NDUFA8: variants seen among roughly 807,000 people sequenced by gnomAD.
NDUFA8 encodes the protein NADH dehydrogenase [ubiquinone] 1 alpha subcomplex subunit 8.
A neutral mutation model predicts 20.9 loss-of-function variants in NDUFA8; 16 were observed. The observed-to-expected ratio is 0.77, with a 90% confidence interval of 0.52 to 1.16. NDUFA8 has a LOEUF of 1.16. Among genes scored for constraint, NDUFA8 ranks in the 50% most tolerant of loss-of-function variants. NDUFA8 has a pLI of 0.00. For synonymous variants in NDUFA8, 70 were observed against 76.1 expected (o/e 0.92, Z 0.41); for missense variants, 202 against 216.4 (o/e 0.93, Z 0.42).
At chr9:122,158,355 T>A (rs1219295268) in intron 1 of NDUFA8, among the ~76,000 whole-genome samples, 1 of 152,098 alleles carries the variant, frequency 6.6e-6, no homozygotes, top group Non-Finnish European at 1.5e-5. Context: ...GGTCTGGCCT[T>A]GTAGAAGCTG....
chr9:122,149,580 T>G (rs1002476913), intron 2 of NDUFA8, among the ~76,000 whole-genome samples: 1 of 152,194 alleles, frequency 6.6e-6, no homozygotes, highest in African/African-American at 2.4e-5. Context: ...CCTTGGGAAT[T>G]TGTGAAATCC....
the NDUFA8 span, among the ~76,000 whole-genome samples, chr9:122,138,783 G>C: frequency 6.6e-6 from 1 of 151,636 alleles, no homozygotes; most frequent in Non-Finnish European, 1.5e-5. Context: ...TTCTCTTGCT[G>C]GGGGTGGGGA....
the NDUFA8 span, among the ~76,000 whole-genome samples, chr9:122,134,415 T>A: frequency 7.9e-5 from 12 of 152,178 alleles, no homozygotes; most frequent in Admixed American, 7.2e-4. Context: ...AAAACGGGAA[T>A]AACAGGAACG....
chr9:122,158,643 A>G (rs1829116683), intron 1 of NDUFA8, among the ~76,000 whole-genome samples: 1 of 151,610 alleles, frequency 6.6e-6, no homozygotes, highest in Non-Finnish European at 1.5e-5. Flanking sequence ...TTATAACGCT[A>G]CGACCAATTG....
chr9:122,147,336 T>A (rs543105936), intron 3 of NDUFA8, among the ~76,000 whole-genome samples: 6 of 152,290 alleles, frequency 3.9e-5, no homozygotes, highest in Admixed American at 3.3e-4. Flanking sequence ...AGCTCTGATG[T>A]TTCAACAGAT....
intron 2 of NDUFA8, among the ~76,000 whole-genome samples, chr9:122,150,563 G>T (rs1828979378): frequency 6.6e-6 from 1 of 151,942 alleles, no homozygotes; most frequent in Non-Finnish European, 1.5e-5. Flanking sequence ...AATCACTGCA[G>T]ATTTATCCAA....
chr9:122,133,582 A>G, the NDUFA8 span, among the ~76,000 whole-genome samples: 1 of 152,220 alleles, frequency 6.6e-6, no homozygotes, highest in Admixed American at 6.5e-5. Flanking sequence ...TGGAGAACGC[A>G]TCAGGGGATG....
chr9:122,141,704 T>C (rs1250681703), downstream of NDUFA8, among the ~76,000 whole-genome samples: 1 of 152,226 alleles, frequency 6.6e-6, no homozygotes, highest in Non-Finnish European at 1.5e-5. Flanking sequence ...CAGGAATCCT[T>C]CCCACTAACT....
At chr9:122,154,327 C>T (rs1004828949) in intron 1 of NDUFA8, among the ~76,000 whole-genome samples, 3 of 152,218 alleles carry the variant, frequency 2.0e-5, no homozygotes, top group Non-Finnish European at 2.9e-5. Flanking sequence ...ATCAATCACA[C>T]CTTCTCATCC....
chr9:122,156,975 T>C (rs1452150771), intron 1 of NDUFA8, among the ~76,000 whole-genome samples: 1 of 152,244 alleles, frequency 6.6e-6, no homozygotes, highest in Non-Finnish European at 1.5e-5. Flanking sequence ...ACAATTCTTA[T>C]TTTACTCTGC....
chr9:122,143,954 TA>T, downstream of NDUFA8: 2 of 837,760 alleles, frequency 2.4e-6, no homozygotes, highest in Non-Finnish European at 3.3e-6. Flanking sequence ...AGCGAGTGCC[TA>T]AAGCAAAGCA....
At chr9:122,147,167 C>T (rs1828916525) in intron 3 of NDUFA8, among the ~76,000 whole-genome samples, 1 of 152,108 alleles carries the variant, frequency 6.6e-6, no homozygotes, top group South Asian at 2.1e-4. Context: ...ACCCTCCTCT[C>T]CCAGAAATTC....
chr9:122,157,681 T>A (rs2118720588), intron 1 of NDUFA8, among the ~76,000 whole-genome samples: 1 of 135,774 alleles, frequency 7.4e-6, no homozygotes, highest in East Asian at 2.2e-4. Flanking sequence ...AGGGGGGTGG[T>A]TCGCCGGGGG....
rs1444629983 is a variant in NDUFA8 at position 122,144,212 on chromosome 9, A to G, written c.*29T>C. 6 of 1,612,988 alleles carry G rather than the reference A, an allele frequency of 3.7e-6. No homozygotes were observed. The highest frequency in any genetic ancestry group is 2.2e-5 in the South Asian group (2 of 91,014). ...TTTTCATCAGTCGTTGTCTGAGCAC[A>G]TGACCGAGTGTGGGCCACGGACCCA... is the stretch of plus-strand genomic sequence containing the variant. On this transcript the variant is annotated 3_prime_UTR_variant, in exon 4 of 4. Transcript: ENST00000373768.
At chr9:122,145,170 C>T (rs970322151) in intron 3 of NDUFA8, among the ~76,000 whole-genome samples, 7 of 152,216 alleles carry the variant, frequency 4.6e-5, no homozygotes, top group African/African-American at 9.6e-5. Flanking sequence ...AAGGTGTTTG[C>T]GTTTTAACCT....
chr9:122,134,888 G>C, the NDUFA8 span, among the ~76,000 whole-genome samples: 8 of 152,208 alleles, frequency 5.3e-5, no homozygotes, highest in Non-Finnish European at 1.2e-4. Flanking sequence ...GCCCTCACCC[G>C]GCACGAGAGG....
At chr9:122,155,830 C>T (rs1342239948) in intron 1 of NDUFA8, among the ~76,000 whole-genome samples, 2 of 152,158 alleles carry the variant, frequency 1.3e-5, no homozygotes, top group Non-Finnish European at 2.9e-5. Context: ...CCCAAAAAGA[C>T]TGACGCATTA....
chr9:122,134,907 C>T, the NDUFA8 span, among the ~76,000 whole-genome samples: 1 of 152,228 alleles, frequency 6.6e-6, no homozygotes, highest in Non-Finnish European at 1.5e-5. Context: ...GGGCGACTGC[C>T]TGCTGACGTC....
downstream of NDUFA8, among the ~76,000 whole-genome samples, chr9:122,143,365 A>G (rs998545884): frequency 1.3e-5 from 2 of 152,238 alleles, no homozygotes; most frequent in African/African-American, 4.8e-5. Flanking sequence ...GTAGTGAAAA[A>G]AGAATTGAAT....
Sources: allele counts gnomAD v4.1 joint callset (sites outside exome capture counted in the v4.1 genomes callset), GRCh38; gene constraint gnomAD v4.1.1; transcripts MANE v1.5; gene names NCBI Gene and HGNC (gene_info 2026-07-23, HGNC 2026-07-21).